ZC3H11C: variants seen among roughly 807,000 people sequenced by gnomAD.
ZC3H11C encodes the protein zinc finger CCCH-type containing 11C.
the ZC3H11C span, among the ~76,000 whole-genome samples, chr6:65,305,656 T>C: frequency 1.3e-5 from 2 of 152,180 alleles, no homozygotes; most frequent in Non-Finnish European, 2.9e-5. Context: ...TAATTTTCTA[T>C]TTCTGGGATT....
the ZC3H11C span, chr6:65,302,960 G>A: frequency 6.2e-7 from 1 of 1,607,250 alleles, no homozygotes; most frequent in Middle Eastern, 1.7e-4. Context: ...TTCCGAAAAT[G>A]TTCCTAGCCC....
the ZC3H11C span, among the ~76,000 whole-genome samples, chr6:65,301,561 G>T: frequency 6.6e-6 from 1 of 152,232 alleles, no homozygotes; most frequent in Non-Finnish European, 1.5e-5. Context: ...GGCAGCAAGC[G>T]GGAGTCGGGG....
At chr6:65,302,411 T>C in the ZC3H11C span, 2 of 649,886 alleles carry the variant, frequency 3.1e-6, no homozygotes, top group East Asian at 5.4e-5. Flanking sequence ...GTGATCAAGT[T>C]GTCATTTGGA....
the ZC3H11C span, among the ~76,000 whole-genome samples, chr6:65,302,308 G>C: frequency 1.3e-5 from 2 of 152,168 alleles, no homozygotes; most frequent in African/African-American, 2.4e-5. Flanking sequence ...GTGTTGGTTC[G>C]ACCTACAGGC....
chr6:65,302,003 A>AT, the ZC3H11C span, among the ~76,000 whole-genome samples: 493 of 152,222 alleles, frequency 3.2e-3, no homozygotes, highest in Middle Eastern at 0.01. Context: ...TGAAAAACTG[A>AT]TTTTTTTTGT....
chr6:65,306,135 G>T, the ZC3H11C span, among the ~76,000 whole-genome samples: 1 of 152,186 alleles, frequency 6.6e-6, no homozygotes, highest in African/African-American at 2.4e-5. Flanking sequence ...GAGGAAGGAA[G>T]GACTTACCCA....
the ZC3H11C span, among the ~76,000 whole-genome samples, chr6:65,301,796 C>T: frequency 2.3e-4 from 35 of 152,272 alleles, no homozygotes; most frequent in Non-Finnish European, 4.3e-4. Context: ...ATAATTGGTG[C>T]GGATTCCTGT....
At chr6:65,305,314 T>C in the ZC3H11C span, among the ~76,000 whole-genome samples, 2 of 152,226 alleles carry the variant, frequency 1.3e-5, no homozygotes, top group Non-Finnish European at 2.9e-5. Context: ...CTTTGTTGTA[T>C]TCTTTATGTA....
the ZC3H11C span, among the ~76,000 whole-genome samples, chr6:65,306,503 C>T: frequency 3.3e-5 from 5 of 152,148 alleles, no homozygotes; most frequent in Non-Finnish European, 7.4e-5. Context: ...AATCAGCTTA[C>T]AGATTCCAGG....
chr6:65,305,462 T>C, the ZC3H11C span, among the ~76,000 whole-genome samples: 1 of 152,242 alleles, frequency 6.6e-6, no homozygotes, highest in Non-Finnish European at 1.5e-5. Flanking sequence ...TTTAAAGGTA[T>C]TTAGAGATTC....
the ZC3H11C span, among the ~76,000 whole-genome samples, chr6:65,302,135 G>A: frequency 6.6e-6 from 1 of 152,254 alleles, no homozygotes; most frequent in South Asian, 2.1e-4. Flanking sequence ...ACTAACCCTA[G>A]CTGTCTCCAG....
At chr6:65,303,333 GAGA>G in the ZC3H11C span, 5 of 795,986 alleles carry the variant, frequency 6.3e-6, no homozygotes, top group Non-Finnish European at 1.1e-5. Context: ...ACCAAACAAG[GAGA>G]AGAACCCTTG....
chr6:65,305,727 T>C, the ZC3H11C span, among the ~76,000 whole-genome samples: 5 of 152,266 alleles, frequency 3.3e-5, no homozygotes, highest in Non-Finnish European at 7.3e-5. Flanking sequence ...AGTATGAAAA[T>C]TGTCCCTTTT....
chr6:65,306,402 A>G, the ZC3H11C span, among the ~76,000 whole-genome samples: 1 of 152,202 alleles, frequency 6.6e-6, no homozygotes, highest in Non-Finnish European at 1.5e-5. Flanking sequence ...ATCCATCTTC[A>G]GCTGACTGAA....
the ZC3H11C span, among the ~76,000 whole-genome samples, chr6:65,301,715 G>A: frequency 6.6e-6 from 1 of 152,256 alleles, no homozygotes; most frequent in Admixed American, 6.5e-5. Flanking sequence ...TGGGAGTCAA[G>A]AGCAACAGGG....
chr6:65,305,294 C>CT, the ZC3H11C span, among the ~76,000 whole-genome samples: 1 of 152,156 alleles, frequency 6.6e-6, no homozygotes, highest in African/African-American at 2.4e-5. Flanking sequence ...TCAGTTTTGG[C>CT]TTTTTTCTCC....
the ZC3H11C span, among the ~76,000 whole-genome samples, chr6:65,301,512 G>A: frequency 6.6e-6 from 1 of 152,200 alleles, no homozygotes; most frequent in Non-Finnish European, 1.5e-5. Context: ...GCTGCTGGGA[G>A]GACGACGGAC....
chr6:65,301,863 G>A, the ZC3H11C span, among the ~76,000 whole-genome samples: 1 of 152,226 alleles, frequency 6.6e-6, no homozygotes, highest in African/African-American at 2.4e-5. Flanking sequence ...TGGACCTTGA[G>A]AAGGAGGCTG....
chr6:65,305,249 G>T, the ZC3H11C span, among the ~76,000 whole-genome samples: 1 of 152,174 alleles, frequency 6.6e-6, no homozygotes, highest in African/African-American at 2.4e-5. Context: ...AAGTGAAAGG[G>T]TGCAAGCAAA....
Sources: allele counts gnomAD v4.1 joint callset (sites outside exome capture counted in the v4.1 genomes callset), GRCh38; gene constraint gnomAD v4.1.1; transcripts MANE v1.5; gene names NCBI Gene and HGNC (gene_info 2026-07-23, HGNC 2026-07-21).